EMB: variants seen among roughly 807,000 people sequenced by gnomAD.
EMB encodes embigin, also known as embigin homolog.
EMB carries 31 observed loss-of-function variants against 41.4 expected under a neutral mutation model. The observed-to-expected ratio is 0.75, with a 90% CI of 0.56 to 1.01. EMB has a LOEUF of 1.01. Among genes scored for constraint, EMB ranks in the 50% least tolerant of loss-of-function variants. The pLI is 0.00. For synonymous variants in EMB, 137 were observed against 140.4 expected (o/e 0.98, Z 0.17); for missense variants, 379 against 388.3 (o/e 0.98, Z 0.20).
intron 7 of EMB, 130 bp from the exon 8 acceptor site, chr5:50,400,043 A>G: frequency 1.7e-6 from 1 of 597,910 alleles, no homozygotes; most frequent in Non-Finnish European, 2.8e-6. Context: ...CTTCCTAAAA[A>G]TGTTTTACTT....
At chr5:50,428,085 A>G in intron 2 of EMB, 59 bp downstream of exon 2, 1 of 1,277,440 alleles carries the variant, frequency 7.8e-7, no homozygotes, top group Non-Finnish European at 1.1e-6. Context: ...GCTTTGTTTA[A>G]GAAAAATTGC....
At chr5:50,417,189 C>T (rs1745443468) in intron 2 of EMB, among the ~76,000 whole-genome samples, 1 of 152,146 alleles carries the variant, frequency 6.6e-6, no homozygotes, top group Admixed American at 6.6e-5. Context: ...CTTCATGATG[C>T]AACCCAAAAT....
At chr5:50,428,422 T>G in intron 1 of EMB, 195 bp from the exon 2 acceptor site, 1 of 1,210,348 alleles carries the variant, frequency 8.3e-7, no homozygotes, top group Middle Eastern at 3.3e-4. Context: ...ATTCTGATTT[T>G]TTTTCTTTTT....
Position 50,396,262 on chromosome 5 carries a change from C to A in EMB, c.*3011G>T, listed in dbSNP as rs548433222. On this transcript the variant is annotated 3_prime_UTR_variant, in exon 9 of 9. Coordinates refer to ENST00000303221, the MANE Select transcript of EMB (RefSeq NM_198449.3). ...ATTCTGATTTGTCACAATTTAGATT[C>A]TTTTTCTAAGAATAAGCAGAAATTT... is the stretch of plus-strand genomic sequence containing the variant. 49 of 152,068 alleles carry A rather than the reference C, an allele frequency of 3.2e-4. No individual in the cohort carries two copies. The highest frequency in any genetic ancestry group is 1.1e-3 in the African/African-American group (45 of 41,484). 9.4% of individuals were successfully genotyped at this position (152,068 alleles called of 1,614,324 possible). A position where few individuals can be genotyped will look rare whatever the true frequency, so the allele number is the denominator to read the frequency against.
chr5:50,435,417 A>T (rs1745788147), intron 1 of EMB, among the ~76,000 whole-genome samples: 1 of 152,158 alleles, frequency 6.6e-6, no homozygotes. Context: ...AGAATCACAC[A>T]TTGCCGTTGG....
intron 2 of EMB, among the ~76,000 whole-genome samples, chr5:50,414,662 G>A (rs1745400478): frequency 6.6e-6 from 1 of 151,502 alleles, no homozygotes; most frequent in South Asian, 2.1e-4. Flanking sequence ...AAAGTGCTTT[G>A]TGAGCACATG....
intron 7 of EMB, among the ~76,000 whole-genome samples, 162 bp from the exon 8 acceptor site, chr5:50,400,075 G>T (rs567406056): frequency 6.6e-6 from 1 of 152,026 alleles, no homozygotes; most frequent in East Asian, 1.9e-4. Context: ...TTTATTTTAT[G>T]GCATTGCTTG....
chr5:50,437,947 T>C (rs1267620299), intron 1 of EMB, among the ~76,000 whole-genome samples: 1 of 152,096 alleles, frequency 6.6e-6, no homozygotes, highest in Non-Finnish European at 1.5e-5. Flanking sequence ...TACAAAGATA[T>C]ATTATATGTC....
intron 1 of EMB, among the ~76,000 whole-genome samples, chr5:50,439,643 G>T (rs1016065288): frequency 1.3e-5 from 2 of 152,180 alleles, no homozygotes; most frequent in South Asian, 2.1e-4. Flanking sequence ...ATGGAAAAGA[G>T]ATGTGGCACA....
chr5:50,437,561 T>C (rs1745825261), intron 1 of EMB, among the ~76,000 whole-genome samples: 1 of 152,242 alleles, frequency 6.6e-6, no homozygotes, highest in South Asian at 2.1e-4. Flanking sequence ...AATCCACTAA[T>C]ATCATTATTT....
At chr5:50,431,619 G>GA (rs1020136692) in intron 1 of EMB, among the ~76,000 whole-genome samples, 4 of 151,764 alleles carry the variant, frequency 2.6e-5, no homozygotes, top group African/African-American at 4.8e-5. Flanking sequence ...ATCTGATAGG[G>GA]AAAAAAAATG....
chr5:50,439,895 G>T (rs115874329), intron 1 of EMB, among the ~76,000 whole-genome samples: 2,278 of 152,208 alleles, frequency 0.015, 64 homozygotes, highest in African/African-American at 0.052. Flanking sequence ...AGCTTGAGAG[G>T]TGGTCTTTTA....
At chr5:50,430,005 T>TCA (rs374435204) in intron 1 of EMB, among the ~76,000 whole-genome samples, 259 of 140,552 alleles carry the variant, frequency 1.8e-3, no homozygotes, top group African/African-American at 3.7e-3. Context: ...TCTCTCTCTC[T>TCA]CACACACACA....
chr5:50,413,574 TTCTTTC>T (rs1414365638), intron 2 of EMB, among the ~76,000 whole-genome samples: 1 of 151,642 alleles, frequency 6.6e-6, no homozygotes, highest in African/African-American at 2.4e-5. Context: ...TTTTTTCTTT[TTCTTTC>T]TTTCTTTTTT....
chr5:50,418,557 T>C (rs6893317), intron 2 of EMB, among the ~76,000 whole-genome samples: 17,014 of 152,280 alleles, frequency 0.11, 1,046 homozygotes, highest in African/African-American at 0.16. Flanking sequence ...TAGCAGTGAT[T>C]GTGCCTCATT....
chr5:50,418,026 A>T (rs1223227401), intron 2 of EMB, among the ~76,000 whole-genome samples: 1 of 152,246 alleles, frequency 6.6e-6, no homozygotes, highest in Non-Finnish European at 1.5e-5. Context: ...CTGATTTAAC[A>T]TCATTTCAAA....
chr5:50,442,686 T>C (rs1745934546), upstream of EMB, among the ~76,000 whole-genome samples: 1 of 152,240 alleles, frequency 6.6e-6, no homozygotes, highest in African/African-American at 2.4e-5. Context: ...GGGCATTGAC[T>C]GGGCTTGCTA....
At chr5:50,400,983 T>C (rs1177820403) in intron 7 of EMB, among the ~76,000 whole-genome samples, 1 of 151,970 alleles carries the variant, frequency 6.6e-6, no homozygotes, top group Non-Finnish European at 1.5e-5. Flanking sequence ...CGAGCAAGGT[T>C]CTGTTTTCAA....
At chr5:50,401,457 A>G (rs905987391) in intron 7 of EMB, among the ~76,000 whole-genome samples, 13 of 151,950 alleles carry the variant, frequency 8.6e-5, no homozygotes, top group Non-Finnish European at 1.9e-4. Context: ...TCCACTTCTC[A>G]GGTTTCTTGC....
Sources: gnomAD v4.1 joint callset for allele counts (sites outside exome capture counted in the v4.1 genomes callset) on GRCh38, gnomAD v4.1.1 for gene constraint, MANE v1.5 for transcripts, NCBI Gene and HGNC (gene_info 2026-07-23, HGNC 2026-07-21) for gene names.